ZEB1: variants seen among roughly 807,000 people sequenced by gnomAD.
ZEB1 encodes the protein zinc finger E-box binding homeobox 1.
Under a neutral mutation model 84.9 loss-of-function variants are expected in ZEB1, and 21 were observed. The ratio of observed to expected loss-of-function variants is 0.25; its 90% CI spans 0.18 to 0.36. The LOEUF (loss-of-function observed/expected upper bound fraction) is 0.36, where lower values mean the gene tolerates loss of function less well. ZEB1 is among the 10% of genes least tolerant of loss of function. The pLI is 1.00. For missense variants in ZEB1, 1,104 were observed against 1,330.2 expected, an observed-to-expected ratio of 0.83 and a Z score of 2.65; for synonymous variants, 420 against 471.1, an observed-to-expected ratio of 0.89 and a Z score of 1.41.
chr10:31,459,192 A>G (rs1270925184), intron 1 of ZEB1, among the ~76,000 whole-genome samples: 7 of 152,132 alleles, frequency 4.6e-5, no homozygotes, highest in Non-Finnish European at 1.0e-4. Flanking sequence ...TCAAGCCATA[A>G]TTAGTCAGGG....
At chr10:31,448,716 A>G (rs1312759277) in intron 1 of ZEB1, among the ~76,000 whole-genome samples, 1 of 152,078 alleles carries the variant, frequency 6.6e-6, no homozygotes, top group Non-Finnish European at 1.5e-5. Flanking sequence ...CCTCCCAGTT[A>G]GGCTGCTAAG....
At chr10:31,442,739 C>T (rs1485384453) in intron 1 of ZEB1, among the ~76,000 whole-genome samples, 3 of 151,962 alleles carry the variant, frequency 2.0e-5, no homozygotes, top group African/African-American at 2.4e-5. Context: ...TAAGAGGAAA[C>T]TGATAGAGTC....
intron 1 of ZEB1, among the ~76,000 whole-genome samples, chr10:31,332,109 C>T (rs1055855803): frequency 6.6e-6 from 1 of 152,074 alleles, no homozygotes; most frequent in Non-Finnish European, 1.5e-5. Context: ...TGAGTTTTTG[C>T]TTATCTATTC....
At chr10:31,319,652 G>C (rs916645576) in intron 1 of ZEB1, 3 of 277,214 alleles carry the variant, frequency 1.1e-5, no homozygotes, top group African/African-American at 6.9e-5. Context: ...CGGGTGGAGC[G>C]GCTGTTGCTT....
At chr10:31,330,764 ATTTC>A (rs1426833572) in intron 1 of ZEB1, among the ~76,000 whole-genome samples, 1 of 151,936 alleles carries the variant, frequency 6.6e-6, no homozygotes, top group Non-Finnish European at 1.5e-5. Context: ...TATTATATTT[ATTTC>A]TTTCATTTCT....
chr10:31,323,651 A>G (rs2034698704), intron 1 of ZEB1, among the ~76,000 whole-genome samples: 2 of 152,072 alleles, frequency 1.3e-5, no homozygotes. Flanking sequence ...ACGTTGCTGT[A>G]TGCTTGTATT....
intron 1 of ZEB1, among the ~76,000 whole-genome samples, chr10:31,338,313 T>C (rs2038634301): frequency 6.6e-6 from 1 of 152,226 alleles, no homozygotes; most frequent in African/African-American, 2.4e-5. Context: ...AAAATATTAA[T>C]TTATTTAGTA....
At chr10:31,484,962 C>CTT (rs1455072191) in intron 2 of ZEB1, among the ~76,000 whole-genome samples, 2 of 151,886 alleles carry the variant, frequency 1.3e-5, no homozygotes, top group Non-Finnish European at 2.9e-5. Flanking sequence ...GTCTCTCTCT[C>CTT]CCCCAACCTT....
In ZEB1 at chr10:31,528,082, A is replaced by T. The variant is rs1311653716; in HGVS notation, c.*818A>T. 2 of 152,196 alleles carry T rather than the reference A, an allele frequency of 1.3e-5. No individual in the cohort carries two copies. Among genetic ancestry groups the T allele is most frequent in the African/African-American group, 4.8e-5 (2 of 41,442 alleles). 9.4% of individuals were successfully genotyped at this position (152,196 alleles called of 1,614,324 possible). On this transcript the variant is annotated 3_prime_UTR_variant, in exon 9 of 9. Transcript: ENST00000424869. Reference sequence around the variant, plus strand: ...ATTGTGTTTGAATATGTGGTAACATATGAAGGATATGACATGAAGCTTTGT... The same window carrying T: ...ATTGTGTTTGAATATGTGGTAACATTTGAAGGATATGACATGAAGCTTTGT...
Position 31,376,433 on chromosome 10 carries a change from A to G in ZEB1, c.58+57141A>G, listed in dbSNP as rs115681796. ...TTGTATAACTTATTTAAAATGAGAA[A>G]CTGCTGTGGAAAGATCTGCAGGTTT... On this transcript the variant is annotated intron_variant, in intron 1 of 8. Transcript: ENST00000424869. Among the ~76,000 whole-genome samples, 1,418 of 151,958 alleles carry G rather than the reference A, an allele frequency of 9.3e-3. 22 individuals are homozygous for G. Among genetic ancestry groups the G allele is most frequent in the African/African-American group, 0.033 (1,359 of 41,524 alleles).
rs201168008 is a variant in ZEB1 at position 31,476,228 on chromosome 10, A to C, written c.259+14991A>C. ...TAGACCACTAACTAGTTTAATGAAG[A>C]AAAAAGAGAGAAAATTCAAGTAAGC... is the stretch of plus-strand genomic sequence containing the variant. On this transcript the variant is annotated intron_variant, in intron 2 of 8. Coordinates refer to ENST00000424869, the MANE Select transcript of ZEB1 (RefSeq NM_001174096.2). Among the ~76,000 whole-genome samples, 5 of 152,024 alleles carry C rather than the reference A, an allele frequency of 3.3e-5. No homozygotes were observed. In the East Asian group the frequency reaches 7.7e-4, roughly 24 times the overall value.
chr10:31,362,294 G>A (rs1025474350), intron 1 of ZEB1, among the ~76,000 whole-genome samples: 8 of 150,602 alleles, frequency 5.3e-5, no homozygotes, highest in Non-Finnish European at 1.0e-4. Flanking sequence ...TGGGCGGCTG[G>A]GCAGAGGCGC....
intron 1 of ZEB1, among the ~76,000 whole-genome samples, chr10:31,446,105 G>A (rs1366051356): frequency 1.3e-5 from 2 of 150,652 alleles, no homozygotes; most frequent in Non-Finnish European, 3.0e-5. Flanking sequence ...CCTGTTATTG[G>A]TCTATTCAGA....
intron 2 of ZEB1, among the ~76,000 whole-genome samples, chr10:31,474,933 T>C (rs1047242703): frequency 1.3e-5 from 2 of 151,816 alleles, no homozygotes; most frequent in Non-Finnish European, 2.9e-5. Flanking sequence ...AAATTGGAAA[T>C]CATCATTCTC....
rs548615284 is a variant in ZEB1, at chr10:31,331,081, C to CTTTTTTTTTTTTTTTTTTTTTTTTTTT, written c.58+11815_58+11816insTTTTTTTTTTTTTTTTTTTTTTTTTTT. ...ATTTTCTTTTCTTTTTTCTTTCTTT[C>CTTTTTTTTTTTTTTTTTTTTTTTTTTT]TTTTTTTTTTTTTTTTTTTTTTTTT... On this transcript the variant is annotated intron_variant, in intron 1 of 8. Transcript: ENST00000424869. Among the ~76,000 whole-genome samples, 30 of 77,852 alleles carry CTTTTTTTTTTTTTTTTTTTTTTTTTTT rather than the reference C, an allele frequency of 3.9e-4. 1 individual carries two copies. The highest frequency in any genetic ancestry group is 1.1e-3 in the African/African-American group (19 of 17,532). The allele number at this position is 77,852 out of a possible 152,430, so 51.1% of individuals were successfully genotyped here. A position where few individuals can be genotyped will look rare whatever the true frequency, so the allele number is the denominator to read the frequency against.
chr10:31,494,658 A>G (rs1247532109), intron 2 of ZEB1, among the ~76,000 whole-genome samples: 1 of 152,050 alleles, frequency 6.6e-6, no homozygotes, highest in Non-Finnish European at 1.5e-5. Flanking sequence ...TATTCTGATC[A>G]TAATTATGAC....
intron 1 of ZEB1, among the ~76,000 whole-genome samples, chr10:31,414,450 T>C (rs60918028): frequency 6.6e-6 from 1 of 152,342 alleles, no homozygotes; most frequent in African/African-American, 2.4e-5. Flanking sequence ...AAAAGGTTAA[T>C]TGGAGCATAA....
At chr10:31,413,940 C>G (rs1283984063) in intron 1 of ZEB1, among the ~76,000 whole-genome samples, 1 of 152,174 alleles carries the variant, frequency 6.6e-6, no homozygotes, top group Admixed American at 6.5e-5. Flanking sequence ...TAGAGCTTGT[C>G]CATAGCCACA....
At chr10:31,519,911 G>A (rs2071939882) in intron 6 of ZEB1, among the ~76,000 whole-genome samples, 1 of 152,124 alleles carries the variant, frequency 6.6e-6, no homozygotes. Flanking sequence ...TCCATGATTG[G>A]TTAGCAGAAC....
Sources: allele counts gnomAD v4.1 joint callset (sites outside exome capture counted in the v4.1 genomes callset), GRCh38; gene constraint gnomAD v4.1.1; transcripts MANE v1.5; gene names NCBI Gene and HGNC (gene_info 2026-07-23, HGNC 2026-07-21).